Variants in WDFY4 observed in about 807,000 individuals in gnomAD.
WDFY4 encodes the protein WDFY family member 4.
A neutral mutation model predicts 351.9 loss-of-function variants in WDFY4; 169 were observed. That is an observed-to-expected ratio of 0.48 (90% confidence interval 0.42 to 0.55). The LOEUF (loss-of-function observed/expected upper bound fraction) is 0.55. WDFY4 is among the 20% of genes least tolerant of loss of function. WDFY4 has a pLI of 0.00. For missense variants in WDFY4, 3,803 were observed against 3,935.6 expected (o/e 0.97, Z 0.90); for synonymous variants, 1,622 against 1,574.6 (o/e 1.03, Z -0.71).
chr10:48,948,395 T>C (rs1255586664), intron 51 of WDFY4, among the ~76,000 whole-genome samples: 6 of 152,226 alleles, frequency 3.9e-5, no homozygotes, highest in African/African-American at 9.6e-5. Context: ...ATGATCACCG[T>C]TGACGATGAT....
chr10:48,943,102 G>A (rs1467138111), intron 48 of WDFY4, among the ~76,000 whole-genome samples: 1 of 147,260 alleles, frequency 6.8e-6, no homozygotes, highest in Non-Finnish European at 1.5e-5. Flanking sequence ...ACTGCATTGG[G>A]TTTTTTTTTT....
chr10:48,720,227 C>A, intron 3 of WDFY4, 102 bp downstream of exon 3: 1 of 1,192,890 alleles, frequency 8.4e-7, no homozygotes, highest in Non-Finnish European at 1.2e-6. Context: ...CGTGGAGCTA[C>A]AGTGTTGCCT....
At chr10:48,699,798 G>A (rs2132136719) in intron 1 of WDFY4, among the ~76,000 whole-genome samples, 1 of 152,254 alleles carries the variant, frequency 6.6e-6, no homozygotes, top group Admixed American at 6.5e-5. Context: ...AGGGTGAGGG[G>A]TGATCAGGGC....
intron 1 of WDFY4, among the ~76,000 whole-genome samples, chr10:48,698,888 G>A (rs1411163658): frequency 2.0e-5 from 3 of 152,186 alleles, no homozygotes; most frequent in Non-Finnish European, 4.4e-5. Flanking sequence ...TGTGGCGGCT[G>A]GCAAGTTTGA....
chr10:48,733,372 A>G (rs1382747601), intron 9 of WDFY4, among the ~76,000 whole-genome samples: 1 of 152,180 alleles, frequency 6.6e-6, no homozygotes, highest in Non-Finnish European at 1.5e-5. Context: ...CTTTGCTGGC[A>G]TGGGGATTCA....
intron 49 of WDFY4, among the ~76,000 whole-genome samples, chr10:48,945,786 G>A (rs1841012493): frequency 6.6e-6 from 1 of 152,230 alleles, no homozygotes; most frequent in African/African-American, 2.4e-5. Flanking sequence ...GCCATGTTCT[G>A]ATTTGGGTCA....
intron 12 of WDFY4, among the ~76,000 whole-genome samples, chr10:48,743,924 C>T (rs2064934665): frequency 6.6e-6 from 1 of 152,166 alleles, no homozygotes. Flanking sequence ...TTTATCTCCT[C>T]CCCAGGATGC....
chr10:48,787,899 TCTTC>T (rs2066501609), intron 20 of WDFY4, among the ~76,000 whole-genome samples: 1 of 28,430 alleles, frequency 3.5e-5, no homozygotes, highest in African/African-American at 1.8e-4. Context: ...TTCTCCTTCT[TCTTC>T]TTCTTCTTCT....
At chr10:48,696,395 G>A (rs941709826) in intron 1 of WDFY4, among the ~76,000 whole-genome samples, 2 of 152,206 alleles carry the variant, frequency 1.3e-5, no homozygotes, top group Non-Finnish European at 2.9e-5. Context: ...TGGCCCTGAT[G>A]TGGCATTCCC....
chr10:48,926,733 A>G (rs569892445), intron 47 of WDFY4, among the ~76,000 whole-genome samples: 21 of 152,374 alleles, frequency 1.4e-4, no homozygotes, highest in Admixed American at 8.5e-4. Context: ...TTTTAATAGC[A>G]TTAATGGAGT....
At chr10:48,953,143 C>A (rs1841412074) in intron 51 of WDFY4, among the ~76,000 whole-genome samples, 1 of 152,096 alleles carries the variant, frequency 6.6e-6, no homozygotes, top group African/African-American at 2.4e-5. Context: ...TCCCCTTCTC[C>A]TTTGGAGCTC....
At chr10:48,867,209 A>G in intron 39 of WDFY4, 56 bp from the exon 40 acceptor site, 1 of 758,128 alleles carries the variant, frequency 1.3e-6, no homozygotes, top group African/African-American at 1.9e-5. Context: ...AATAAAATAA[A>G]ATAAAATAAA....
At chr10:48,944,463 C>T (rs1351272157) in intron 49 of WDFY4, among the ~76,000 whole-genome samples, 2 of 152,208 alleles carry the variant, frequency 1.3e-5, no homozygotes, top group African/African-American at 4.8e-5. Context: ...GTCCTGGCCA[C>T]CCGGGCTCTG....
intron 50 of WDFY4, 38 bp from the exon 51 acceptor site, chr10:48,946,822 G>T: frequency 6.8e-7 from 1 of 1,465,480 alleles, no homozygotes; most frequent in Non-Finnish European, 9.4e-7. Flanking sequence ...GTGAGTGCAG[G>T]TAAGGAAGCA....
chr10:48,935,670 T>G (rs1251604607), intron 47 of WDFY4, among the ~76,000 whole-genome samples: 1 of 152,264 alleles, frequency 6.6e-6, no homozygotes, highest in Non-Finnish European at 1.5e-5. Context: ...TGTTTCTCTT[T>G]GCACCCTTTT....
chr10:48,765,436 T>G (rs1374082237), intron 13 of WDFY4, among the ~76,000 whole-genome samples: 1 of 152,130 alleles, frequency 6.6e-6, no homozygotes, highest in African/African-American at 2.4e-5. Flanking sequence ...ATTGTGAGGA[T>G]TACATGGAGC....
At chr10:48,877,643 C>T (rs983025036) in intron 43 of WDFY4, among the ~76,000 whole-genome samples, 1 of 152,210 alleles carries the variant, frequency 6.6e-6, no homozygotes, top group South Asian at 2.1e-4. Flanking sequence ...CCGCACTGTC[C>T]CTATGCCTCG....
chr10:48,968,824 T>A lies in WDFY4; in HGVS notation c.8585-240T>A, dbSNP rs1262670604. On this transcript the variant is annotated intron_variant, in intron 55 of 61. Coordinates refer to ENST00000325239, the MANE Select transcript of WDFY4 (RefSeq NM_001394531.1). Reference sequence around the variant, plus strand: ...AGTGGAGCTGAGGGAGGATGGGAATTGTGCCTCCCTGTGACTCCTGCCCCG... The same window carrying A: ...AGTGGAGCTGAGGGAGGATGGGAATAGTGCCTCCCTGTGACTCCTGCCCCG... 1.2e-5 allele frequency: 6 copies of A among 510,656 alleles called. No homozygotes were observed. In the East Asian group the frequency reaches 2.0e-4, roughly 17 times the overall value. 31.6% of individuals were successfully genotyped at this position (510,656 alleles called of 1,614,324 possible).
At chr10:48,938,693 G>A (rs1326547700) in intron 47 of WDFY4, among the ~76,000 whole-genome samples, 1 of 152,206 alleles carries the variant, frequency 6.6e-6, no homozygotes, top group South Asian at 2.1e-4. Context: ...TGGCAGTAGC[G>A]CTCAAGCTTC....
Sources: gnomAD v4.1 joint callset for allele counts (sites outside exome capture counted in the v4.1 genomes callset) on GRCh38, gnomAD v4.1.1 for gene constraint, MANE v1.5 for transcripts, NCBI Gene and HGNC (gene_info 2026-07-23, HGNC 2026-07-21) for gene names.